Variants in EIF3I observed in about 807,000 individuals in gnomAD.
The protein encoded by EIF3I is eukaryotic translation initiation factor 3 subunit I, also known as TGF-beta receptor-interacting protein 1.
Under a neutral mutation model 43.3 loss-of-function variants are expected in EIF3I, and 20 were observed. That is an observed-to-expected ratio of 0.46 (90% CI 0.32 to 0.67). The LOEUF (loss-of-function observed/expected upper bound fraction) is 0.67. Ranked by LOEUF, EIF3I falls within the 30% of genes least tolerant of loss-of-function variation. EIF3I has a pLI of 0.03. For missense variants in EIF3I, 279 were observed against 421.4 expected (o/e 0.66, Z 2.96); for synonymous variants, 167 against 151.7 (o/e 1.10, Z -0.74).
At chr1:32,231,578 T>C (rs1043218392), downstream of EIF3I, 1 of 192,368 alleles carries the variant, frequency 5.2e-6, no homozygotes, top group Admixed American at 5.6e-5. Context: ...TAAATTGGTT[T>C]GGTAATAAAT....
At chr1:32,228,848 G>A (rs772168635) in intron 8 of EIF3I, 32 bp downstream of exon 8, 6 of 1,543,522 alleles carry the variant, frequency 3.9e-6, no homozygotes, top group South Asian at 1.1e-5. Context: ...TCCTGCTGAA[G>A]CCTCAGGAAG....
intron 10 of EIF3I, among the ~76,000 whole-genome samples, chr1:32,230,711 C>T (rs1639221976): frequency 1.3e-5 from 2 of 152,260 alleles, no homozygotes; most frequent in Admixed American, 1.3e-4. Flanking sequence ...GTAATCCCAA[C>T]CACTCAGGAG....
rs201494062 is a variant in EIF3I at position 32,222,673 on chromosome 1, C to T, written c.96+43C>T. Reference sequence around the variant, plus strand: ...GGGGTCCGGGAGGGGCGGGATCCTTCTGCCAGGACGATGGGTGGACACGCC... The same window carrying T: ...GGGGTCCGGGAGGGGCGGGATCCTTTTGCCAGGACGATGGGTGGACACGCC... On this transcript the variant is annotated intron_variant, in intron 2 of 11. Transcript: ENST00000676679. 71 of 1,591,218 alleles carry T rather than the reference C, an allele frequency of 4.5e-5. No individual in the cohort carries two copies. In the East Asian group the frequency reaches 1.2e-3, roughly 26 times the overall value.
At chr1:32,235,821 C>T (rs143444385), downstream of EIF3I, among the ~76,000 whole-genome samples, 36 of 152,308 alleles carry the variant, frequency 2.4e-4, no homozygotes, top group East Asian at 2.1e-3. Flanking sequence ...TGGGGAGCCC[C>T]GGTCTGACAA....
chr1:32,223,309 A>C (rs1639066257), intron 2 of EIF3I, among the ~76,000 whole-genome samples: 1 of 151,936 alleles, frequency 6.6e-6, no homozygotes, highest in Admixed American at 6.6e-5. Flanking sequence ...CTTGAGACGG[A>C]GTCTCGCTCT....
chr1:32,223,737 T>C, intron 2 of EIF3I, among the ~76,000 whole-genome samples: 1 of 152,204 alleles, frequency 6.6e-6, no homozygotes, highest in East Asian at 1.9e-4. Context: ...GATACTGTTT[T>C]TCTGGACTGG....
chr1:32,222,439 G>C, exon 1 of EIF3I: 1 of 1,599,236 alleles, frequency 6.3e-7, no homozygotes, highest in Non-Finnish European at 8.6e-7. Context: ...CGTCACAGCC[G>C]GGATGGTGAG....
At chr1:32,232,639 AGGC>A (rs1458657100), downstream of EIF3I, among the ~76,000 whole-genome samples, 3 of 152,352 alleles carry the variant, frequency 2.0e-5, no homozygotes, top group African/African-American at 7.2e-5. Flanking sequence ...GAGAACAGTG[AGGC>A]GGCTGCCGGA....
chr1:32,226,824 CTTTTTTTTT>C (rs1216197071), intron 6 of EIF3I, among the ~76,000 whole-genome samples: 3 of 78,622 alleles, frequency 3.8e-5, no homozygotes, highest in Admixed American at 1.7e-4. Flanking sequence ...CCGCTCGTGG[CTTTTTTTTT>C]TTTTTTTTTT....
chr1:32,228,686 G>C (rs1371690839), intron 7 of EIF3I, 41 bp from the exon 8 acceptor site: 1 of 1,607,648 alleles, frequency 6.2e-7, no homozygotes, highest in South Asian at 1.1e-5. Context: ...CTTCCCCCAG[G>C]AAAGCTCTTT....
intron 9 of EIF3I, among the ~76,000 whole-genome samples, chr1:32,229,553 T>A (rs1323134283): frequency 4.2e-5 from 6 of 143,182 alleles, no homozygotes; most frequent in African/African-American, 7.8e-5. Flanking sequence ...CAGCCTTTTT[T>A]TTTTTTTTTT....
chr1:32,233,710 T>C (rs1639267645), downstream of EIF3I, among the ~76,000 whole-genome samples: 3 of 152,236 alleles, frequency 2.0e-5, no homozygotes, highest in Admixed American at 1.3e-4. Flanking sequence ...GATTCCACTC[T>C]GCTTTCAACC....
rs1639144285 is a variant in EIF3I, at chr1:32,226,219, G to GT, written c.303dup (p.Asp102Ter). 6.2e-7 allele frequency: 1 copy of GT among 1,614,012 alleles called. No individual in the cohort carries two copies. Among genetic ancestry groups the GT allele is most frequent in the African/African-American group, 1.3e-5 (1 of 74,902 alleles). On this transcript the variant is annotated frameshift_variant, in exon 5 of 12. Coordinates refer to ENST00000676679, the Ensembl canonical transcript of EIF3I. LOFTEE classifies it high-confidence loss of function. ...ACCAATTCGGCTGTCCGGACCTGCG[G>GT]TTTTGACTTTGGGGGCAACATCATC...
At chr1:32,236,107 G>A (rs1165354471), downstream of EIF3I, among the ~76,000 whole-genome samples, 2 of 152,198 alleles carry the variant, frequency 1.3e-5, no homozygotes, top group Non-Finnish European at 2.9e-5. Context: ...GTTACCCATG[G>A]TCAACTGTGG....
At chr1:32,224,419 A>G in exon 4 of EIF3I, 1 of 1,613,786 alleles carries the variant, frequency 6.2e-7, no homozygotes, top group Non-Finnish European at 8.5e-7. Flanking sequence ...GGGGACACCA[A>G]GCATGTCCTC....
exon 5 of EIF3I, chr1:32,226,211 G>C (rs776214654): frequency 6.2e-7 from 1 of 1,614,118 alleles, no homozygotes; most frequent in African/African-American, 1.3e-5. Flanking sequence ...CGGCTGTCCG[G>C]ACCTGCGGTT....
intron 10 of EIF3I, 135 bp from the exon 10 acceptor site, chr1:32,230,789 ACTC>A (rs1639223235): frequency 1.5e-6 from 1 of 650,986 alleles, no homozygotes; most frequent in Non-Finnish European, 2.6e-6. Context: ...GCGCCACTGT[ACTC>A]CACCCTGGGT....
At position 32,225,677 on chromosome 1, in the gene EIF3I, C is replaced by T. The variant is rs915762370; in HGVS notation, c.251-494C>T. On this transcript the variant is annotated intron_variant, in intron 4 of 11. Transcript: ENST00000676679. ...AATCGCTTGAAAGGTTGCAGTGAGC[C>T]GAGATCACACCATCGCACAGCAGCC... Among the ~76,000 whole-genome samples, 9 of 149,110 alleles carry T rather than the reference C, an allele frequency of 6.0e-5. No homozygotes were observed. In the East Asian group the frequency reaches 7.9e-4, roughly 13 times the overall value.
chr1:32,224,499 T>C (rs758340154), intron 4 of EIF3I, 24 bp downstream of exon 4: 1 of 1,595,426 alleles, frequency 6.3e-7, no homozygotes, highest in South Asian at 1.1e-5. Flanking sequence ...ATTCACCTTT[T>C]TAGCAAATAT....
Sources: allele counts gnomAD v4.1 joint callset (sites outside exome capture counted in the v4.1 genomes callset), GRCh38; gene constraint gnomAD v4.1.1; transcripts MANE v1.5; gene names NCBI Gene and HGNC (gene_info 2026-07-23, HGNC 2026-07-21).